Variants in WDR35 observed in about 807,000 individuals in gnomAD.
The protein encoded by WDR35 is WD repeat-containing protein 35.
A neutral mutation model predicts 158.3 loss-of-function variants in WDR35; 118 were observed. The ratio of observed to expected loss-of-function variants is 0.75; its 90% CI spans 0.64 to 0.87. The LOEUF is 0.87. Ranked by LOEUF, WDR35 falls within the 40% of genes least tolerant of loss-of-function variation. WDR35 has a pLI of 0.00. For synonymous variants in WDR35, 448 were observed against 476.1 expected, an observed-to-expected ratio of 0.94 and a Z score of 0.77; for missense variants, 1,263 against 1,405.8, an observed-to-expected ratio of 0.90 and a Z score of 1.62.
chr2:19,943,672 C>T (rs1670946409), intron 16 of WDR35, among the ~76,000 whole-genome samples: 1 of 151,674 alleles, frequency 6.6e-6, no homozygotes, highest in Non-Finnish European at 1.5e-5. Context: ...ATGAAAGAAA[C>T]ATGAAATGAA....
At chr2:19,949,209 G>C (rs1671156073) in intron 13 of WDR35, among the ~76,000 whole-genome samples, 1 of 152,174 alleles carries the variant, frequency 6.6e-6, no homozygotes, top group Non-Finnish European at 1.5e-5. Context: ...TTAAAAACCA[G>C]CATGATACAT....
chr2:19,969,727 C>A, intron 8 of WDR35, 122 bp from the exon 9 acceptor site: 15 of 970,710 alleles, frequency 1.5e-5, no homozygotes, highest in East Asian at 2.8e-5. Flanking sequence ...TTACTAGTCA[C>A]TTTAAAATCA....
At chr2:19,971,345 AGGGCATGAG>A (rs959299597) in intron 8 of WDR35, among the ~76,000 whole-genome samples, 4 of 152,226 alleles carry the variant, frequency 2.6e-5, no homozygotes, top group Non-Finnish European at 5.9e-5. Flanking sequence ...AGCAGTGATC[AGGGCATGAG>A]GGCCCTCATG....
In WDR35 at chr2:19,951,484, T is replaced by C; in HGVS notation, c.1401A>G (p.Arg467=). ...AAGGGGTATCATCAACATGATAAAT[T>C]CTGCAAAAAAGATCAGAATTTCAAA... is the stretch of plus-strand genomic sequence containing the variant. ...ITRSRKEGRE[R]IYHVDDTPSG... Residue 467 remains arginine (R), a splice_region_variant and synonymous_variant, in exon 13 of 27, where the codon AGA becomes AGG. Transcript: ENST00000281405. 2 of 1,609,638 alleles carry C rather than the reference T, an allele frequency of 1.2e-6. No individual in the cohort carries two copies. The highest frequency in any genetic ancestry group is 1.3e-5 in the African/African-American group (1 of 74,948).
chr2:19,952,550 G>A (rs1671272702), intron 12 of WDR35, among the ~76,000 whole-genome samples: 1 of 151,968 alleles, frequency 6.6e-6, no homozygotes, highest in Non-Finnish European at 1.5e-5. Context: ...GAGAGGCTAG[G>A]CTTTCTGCTT....
chr2:19,919,380 C>CAAAAAAAAAAAA (rs1302042752), intron 25 of WDR35, among the ~76,000 whole-genome samples: 19 of 48,014 alleles, frequency 4.0e-4, no homozygotes, highest in East Asian at 8.4e-4. Flanking sequence ...GGCTCCATCT[C>CAAAAAAAAAAAA]AAAAAAAAAA....
At chr2:19,921,760 G>A (rs1223739261) in intron 25 of WDR35, among the ~76,000 whole-genome samples, 1 of 152,184 alleles carries the variant, frequency 6.6e-6, no homozygotes, top group Non-Finnish European at 1.5e-5. Context: ...CTTCTGCACA[G>A]CAAAAGAAAC....
Position 19,910,374 on chromosome 2 carries a change from AAC to A in WDR35, c.*3182_*3183del, listed in dbSNP as rs971308614. 1 of 152,240 alleles carries A rather than the reference AAC, an allele frequency of 6.6e-6. No homozygotes were observed. The highest frequency in any genetic ancestry group is 2.4e-5 in the African/African-American group (1 of 41,460). 9.4% of individuals were successfully genotyped at this position (152,240 alleles called of 1,614,324 possible). ...ATAGTTTCAAAGTGTATTTTAGCAA[AAC>A]AATTTATAATGAAATTAGCATTTGT... On this transcript the variant is annotated 3_prime_UTR_variant, in exon 27 of 27. Coordinates refer to ENST00000281405, the MANE Select transcript of WDR35 (RefSeq NM_020779.4).
At chr2:19,972,136 A>C (rs879696077) in intron 8 of WDR35, among the ~76,000 whole-genome samples, 2 of 152,232 alleles carry the variant, frequency 1.3e-5, no homozygotes, top group Admixed American at 1.3e-4. Context: ...GGTTTTCTTA[A>C]GTTTAAATCA....
intron 16 of WDR35, 60 bp from the exon 17 acceptor site, chr2:19,941,899 T>C: frequency 8.1e-7 from 1 of 1,239,462 alleles, no homozygotes; most frequent in Non-Finnish European, 1.1e-6. Flanking sequence ...TTTTAACAAA[T>C]CATGCTTTTA....
At position 19,973,606 on chromosome 2, in the gene WDR35, T is replaced by C. The variant is rs1672097524; in HGVS notation, c.839A>G (p.Asp280Gly). ...AAACTGCACAATGTTCACATCTTTGTCCTGCATGGCTGCCTTCTGGAAGCC... is the reference window on the plus strand; with the variant it reads ...AAACTGCACAATGTTCACATCTTTGCCCTGCATGGCTGCCTTCTGGAAGCC... ...VAGFQKAAMQDKDVNIVQFYT... is the reference protein window; with the variant it reads ...VAGFQKAAMQGKDVNIVQFYT... Residue 280 changes from aspartate (D) to glycine (G), a missense_variant, in exon 8 of 27, where the codon GAC (aspartate) becomes GGC (glycine). Coordinates refer to ENST00000281405, the MANE Select transcript of WDR35 (RefSeq NM_020779.4). The C allele has an allele frequency of 1.2e-6, 2 of 1,614,084 alleles. No homozygotes were observed.
At chr2:19,979,812 A>T (rs1015478485) in intron 4 of WDR35, among the ~76,000 whole-genome samples, 2 of 126,424 alleles carry the variant, frequency 1.6e-5, no homozygotes, top group Non-Finnish European at 1.7e-5. Flanking sequence ...CACACTTTTT[A>T]AAAAATTAAA....
At chr2:19,976,320 C>T (rs1672209208) in intron 5 of WDR35, among the ~76,000 whole-genome samples, 1 of 152,118 alleles carries the variant, frequency 6.6e-6, no homozygotes, top group African/African-American at 2.4e-5. Context: ...AACCAAACTT[C>T]ATGAAAGAGT....
intron 25 of WDR35, among the ~76,000 whole-genome samples, chr2:19,927,433 C>G (rs539121746): frequency 6.6e-6 from 1 of 152,190 alleles, no homozygotes; most frequent in Non-Finnish European, 1.5e-5. Context: ...GGATGTTTAG[C>G]TTGAATTGCA....
chr2:19,945,724 A>T, intron 16 of WDR35, 62 bp downstream of exon 16: 1 of 1,583,874 alleles, frequency 6.3e-7, no homozygotes, highest in Admixed American at 1.7e-5. Flanking sequence ...AAGGGGAATC[A>T]TCCAGGTTTT....
rs1343203838 is a variant in WDR35 at position 19,969,501 on chromosome 2, T to C, written c.987A>G (p.Ala329=). The change falls in exon 9 of 27, where the codon GCA becomes GCG. Residue 329 remains alanine (A), a synonymous_variant. Coordinates refer to ENST00000281405, the MANE Select transcript of WDR35 (RefSeq NM_020779.4). ...TTACCTTATAATTAGGTCGAATGTT[T>C]GCAAAATATATAAAGGAATCAACAG... is the stretch of plus-strand genomic sequence containing the variant. ...ALAVDSFIYF[A]NIRPNYKWGY... The C allele has an allele frequency of 1.2e-6, 2 of 1,613,192 alleles. No homozygotes were observed. The highest frequency in any genetic ancestry group is 1.7e-5 in the Admixed American group (1 of 59,996).
chr2:19,980,826 T>A, intron 3 of WDR35, 43 bp from the exon 4 acceptor site: 2 of 1,549,232 alleles, frequency 1.3e-6, no homozygotes, highest in Non-Finnish European at 1.8e-6. Context: ...AGGTTACAAT[T>A]AATTTCAAAT....
chr2:19,980,929 A>G (rs2103463262), intron 3 of WDR35, 146 bp from the exon 4 acceptor site: 1 of 701,680 alleles, frequency 1.4e-6, no homozygotes, highest in East Asian at 2.7e-5. Context: ...ACCTATTCAT[A>G]AGATGCAGTT....
intron 5 of WDR35, 51 bp from the exon 6 acceptor site, chr2:19,975,714 C>T (rs760367544): frequency 1.1e-5 from 17 of 1,612,036 alleles, no homozygotes; most frequent in Admixed American, 6.7e-5. Context: ...CCTCCAACAA[C>T]GGCTTTCGAA....
Sources: allele counts gnomAD v4.1 joint callset (sites outside exome capture counted in the v4.1 genomes callset), GRCh38; gene constraint gnomAD v4.1.1; transcripts MANE v1.5; gene names NCBI Gene and HGNC (gene_info 2026-07-23, HGNC 2026-07-21).